KCNIP4: variants seen among roughly 807,000 people sequenced by gnomAD.
KCNIP4 encodes the protein Kv channel-interacting protein 4.
KCNIP4 carries 12 observed loss-of-function variants against 34.0 expected under a neutral mutation model. That is an observed-to-expected ratio of 0.35 (90% CI 0.23 to 0.57). The LOEUF (loss-of-function observed/expected upper bound fraction) is 0.57. KCNIP4 is among the 20% of genes least tolerant of loss of function. The probability of loss-of-function intolerance (pLI) is 0.83; values close to 1 mark genes in which losing one functional copy is unlikely to be tolerated. For synonymous variants in KCNIP4, 124 were observed against 102.2 expected, an observed-to-expected ratio of 1.21 and a Z score of -1.29; for missense variants, 238 against 311.7, an observed-to-expected ratio of 0.76 and a Z score of 1.78.
chr4:21,537,341 G>A (rs1010639344), intron 1 of KCNIP4, among the ~76,000 whole-genome samples: 3 of 152,234 alleles, frequency 2.0e-5, no homozygotes, highest in East Asian at 1.9e-4. Context: ...GGATAGTGGC[G>A]ATGGGTGATG....
At chr4:20,799,177 G>T (rs1713888712) in intron 3 of KCNIP4, among the ~76,000 whole-genome samples, 1 of 152,124 alleles carries the variant, frequency 6.6e-6, no homozygotes, top group African/African-American at 2.4e-5. Flanking sequence ...CATTCTAGTT[G>T]CTGGGGCACC....
intron 1 of KCNIP4, among the ~76,000 whole-genome samples, chr4:21,461,840 A>C (rs192928676): frequency 1.3e-5 from 2 of 152,032 alleles, no homozygotes; most frequent in Admixed American, 1.3e-4. Context: ...TGATGACCTC[A>C]CTTTACCTCC....
chr4:21,417,372 G>A (rs1725045116), intron 1 of KCNIP4, among the ~76,000 whole-genome samples: 1 of 150,464 alleles, frequency 6.6e-6, no homozygotes, highest in South Asian at 2.1e-4. Context: ...AGGTAAAGGT[G>A]GTAAGAAGAT....
Position 21,303,007 on chromosome 4 carries a change from G to A in KCNIP4, c.62-420298C>T, listed in dbSNP as rs868363853. Among the ~76,000 whole-genome samples, 19 of 152,178 alleles carry A rather than the reference G, an allele frequency of 1.2e-4. No individual in the cohort carries two copies. In the South Asian group the frequency reaches 3.5e-3, roughly 28 times the overall value. On this transcript the variant is annotated intron_variant, in intron 1 of 8. Transcript: ENST00000382152. ...TGCCAACTTTAGAGAAACAATGACT[G>A]GCTGTATGCAAACACACTCTCAAAA...
At chr4:20,840,166 T>C (rs909306878) in intron 3 of KCNIP4, among the ~76,000 whole-genome samples, 2 of 152,170 alleles carry the variant, frequency 1.3e-5, no homozygotes, top group Non-Finnish European at 2.9e-5. Context: ...CTGGGAGAAT[T>C]AAGCACTTCC....
At chr4:20,826,361 G>T (rs934114190) in intron 3 of KCNIP4, among the ~76,000 whole-genome samples, 7 of 152,062 alleles carry the variant, frequency 4.6e-5, no homozygotes, top group African/African-American at 1.7e-4. Context: ...GATTGCTTGA[G>T]CCTAGGAGTT....
intron 1 of KCNIP4, among the ~76,000 whole-genome samples, chr4:21,870,895 T>G (rs966371765): frequency 6.6e-6 from 1 of 152,160 alleles, no homozygotes; most frequent in African/African-American, 2.4e-5. Flanking sequence ...ATTAACATAC[T>G]ACATGGATTA....
chr4:21,065,196 C>T (rs530643606), intron 1 of KCNIP4, among the ~76,000 whole-genome samples: 152 of 152,034 alleles, frequency 1.0e-3, no homozygotes, highest in African/African-American at 3.4e-3. Context: ...TTCTATGACA[C>T]GCTGAGCAGC....
chr4:21,313,894 G>C (rs1024916202), intron 1 of KCNIP4, among the ~76,000 whole-genome samples: 3 of 152,136 alleles, frequency 2.0e-5, no homozygotes, highest in Non-Finnish European at 4.4e-5. Flanking sequence ...CCCAAATTGA[G>C]TGACTTAGAA....
intron 1 of KCNIP4, among the ~76,000 whole-genome samples, chr4:21,153,977 G>T (rs1028743406): frequency 1.3e-5 from 2 of 150,054 alleles, no homozygotes; most frequent in African/African-American, 5.0e-5. Context: ...GGGCCAGTTA[G>T]TAGTTAAAAA....
At chr4:20,973,589 C>G (rs1381824628) in intron 1 of KCNIP4, among the ~76,000 whole-genome samples, 1 of 152,202 alleles carries the variant, frequency 6.6e-6, no homozygotes, top group Non-Finnish European at 1.5e-5. Context: ...GGCTAACTGG[C>G]CCAAGAGGCT....
intron 1 of KCNIP4, among the ~76,000 whole-genome samples, chr4:21,799,013 A>G (rs1720823936): frequency 6.6e-6 from 1 of 152,090 alleles, no homozygotes; most frequent in South Asian, 2.1e-4. Flanking sequence ...ATCAATTTTT[A>G]CATAACAGTC....
intron 3 of KCNIP4, among the ~76,000 whole-genome samples, chr4:20,780,612 A>G (rs1252623344): frequency 6.6e-6 from 1 of 152,166 alleles, no homozygotes; most frequent in South Asian, 2.1e-4. Context: ...TCCCATTTCC[A>G]TGGGCCACAG....
intron 1 of KCNIP4, among the ~76,000 whole-genome samples, chr4:21,484,042 T>A (rs946938632): frequency 6.6e-6 from 1 of 152,078 alleles, no homozygotes; most frequent in Non-Finnish European, 1.5e-5. Flanking sequence ...TGCAGGTATT[T>A]CTTTGTAGCA....
At chr4:21,501,525 T>G (rs2109890025) in intron 1 of KCNIP4, among the ~76,000 whole-genome samples, 1 of 152,180 alleles carries the variant, frequency 6.6e-6, no homozygotes, top group African/African-American at 2.4e-5. Flanking sequence ...TTTCCCAAAT[T>G]TCACATTTAG....
At chr4:21,389,500 T>G (rs1021128633) in intron 1 of KCNIP4, among the ~76,000 whole-genome samples, 3 of 131,432 alleles carry the variant, frequency 2.3e-5, no homozygotes, top group African/African-American at 8.7e-5. Context: ...CCTCTTCCTG[T>G]GTCCAAGTGT....
chr4:21,201,639 C>CA (rs1346999114), intron 1 of KCNIP4, among the ~76,000 whole-genome samples: 6 of 152,150 alleles, frequency 3.9e-5, no homozygotes, highest in African/African-American at 1.4e-4. Flanking sequence ...GCTGGGACTA[C>CA]AGTTGCCCGC....
chr4:21,568,055 T>C (rs890037415), intron 1 of KCNIP4, among the ~76,000 whole-genome samples: 1 of 152,112 alleles, frequency 6.6e-6, no homozygotes, highest in Non-Finnish European at 1.5e-5. Flanking sequence ...GAGAGAGTCA[T>C]GAGTGTGCAA....
At chr4:21,586,026 C>T (rs185312594) in intron 1 of KCNIP4, among the ~76,000 whole-genome samples, 4 of 152,108 alleles carry the variant, frequency 2.6e-5, no homozygotes, top group Non-Finnish European at 4.4e-5. Flanking sequence ...AAGGATAATG[C>T]ATATGTGTGA....
Sources: gnomAD v4.1 joint callset for allele counts (sites outside exome capture counted in the v4.1 genomes callset) on GRCh38, gnomAD v4.1.1 for gene constraint, MANE v1.5 for transcripts, NCBI Gene and HGNC (gene_info 2026-07-23, HGNC 2026-07-21) for gene names.